Variants in MAN2B2 observed in about 807,000 individuals in gnomAD.
MAN2B2 encodes mannosidase alpha class 2B member 2.
In MAN2B2, 106 loss-of-function variants were observed where a neutral mutation model predicts 117.1. The observed-to-expected ratio is 0.90, with a 90% CI of 0.77 to 1.06. The LOEUF is 1.06. Among genes scored for constraint, MAN2B2 ranks in the 50% least tolerant of loss-of-function variants. The pLI is 0.00. For synonymous variants in MAN2B2, 544 were observed against 595.1 expected (o/e 0.91, Z 1.25); for missense variants, 1,326 against 1,381.4 (o/e 0.96, Z 0.64).
intron 9 of MAN2B2, among the ~76,000 whole-genome samples, chr4:6,598,630 A>G (rs1287687031): frequency 6.6e-6 from 1 of 152,230 alleles, no homozygotes; most frequent in African/African-American, 2.4e-5. Flanking sequence ...CCCTTCATGC[A>G]GTATTGAATT....
chr4:6,587,912 G>A (rs925784399), intron 4 of MAN2B2, among the ~76,000 whole-genome samples: 8 of 151,868 alleles, frequency 5.3e-5, no homozygotes, highest in Admixed American at 2.6e-4. Context: ...GTGCCACCAC[G>A]CCCAGCTAAA....
chr4:6,621,022 G>C (rs563480715), intron 18 of MAN2B2, 166 bp from the exon 19 acceptor site: 1 of 586,346 alleles, frequency 1.7e-6, no homozygotes, highest in South Asian at 2.1e-5. Context: ...GCCAGGTGCA[G>C]TGTGGTGAGA....
chr4:6,609,524 C>T, intron 12 of MAN2B2: 1 of 629,620 alleles, frequency 1.6e-6, no homozygotes, highest in East Asian at 2.8e-5. Context: ...GAGAGAGACC[C>T]ACAGACCCTG....
intron 3 of MAN2B2, among the ~76,000 whole-genome samples, chr4:6,586,621 T>A (rs1353635668): frequency 6.6e-6 from 1 of 151,200 alleles, no homozygotes; most frequent in Non-Finnish European, 1.5e-5. Context: ...AGTCAGGGAG[T>A]AGAATGGGGG....
intron 3 of MAN2B2, among the ~76,000 whole-genome samples, chr4:6,585,315 G>C (rs1443840219): frequency 1.3e-5 from 2 of 152,204 alleles, no homozygotes; most frequent in African/African-American, 4.8e-5. Flanking sequence ...GTGAAAGGCA[G>C]TTTGACTCTA....
At chr4:6,618,159 TA>T (rs1324072744) in intron 17 of MAN2B2, 2 of 152,342 alleles carry the variant, frequency 1.3e-5, no homozygotes, top group African/African-American at 4.8e-5. Flanking sequence ...CTAGTTTTTT[TA>T]TTTTTAGTAG....
chr4:6,601,386 A>G (rs1192251757), intron 10 of MAN2B2, among the ~76,000 whole-genome samples: 1 of 151,964 alleles, frequency 6.6e-6, no homozygotes, highest in Non-Finnish European at 1.5e-5. Context: ...GCACTGGTAT[A>G]ATAATTGGGA....
chr4:6,616,505 TC>T (rs893646326), intron 16 of MAN2B2, among the ~76,000 whole-genome samples: 1 of 152,210 alleles, frequency 6.6e-6, no homozygotes, highest in African/African-American at 2.4e-5. Flanking sequence ...GGAAGGTTTT[TC>T]TTGCTGTGGC....
chr4:6,584,307 G>A (rs1284351880), intron 3 of MAN2B2, among the ~76,000 whole-genome samples: 2 of 152,198 alleles, frequency 1.3e-5, no homozygotes, highest in Non-Finnish European at 2.9e-5. Context: ...TGATTCTCAT[G>A]TCCTTACCCT....
intron 15 of MAN2B2, among the ~76,000 whole-genome samples, chr4:6,613,855 A>G (rs1395525410): frequency 6.6e-6 from 1 of 151,910 alleles, no homozygotes; most frequent in Admixed American, 6.6e-5. Flanking sequence ...AGGAAGAAGG[A>G]AGGAAAAAAA....
chr4:6,602,641 T>G (rs1247515103), intron 10 of MAN2B2, among the ~76,000 whole-genome samples: 1 of 152,054 alleles, frequency 6.6e-6, no homozygotes, highest in African/African-American at 2.4e-5. Context: ...TGCTTACACT[T>G]TTTAAAACAA....
In MAN2B2 at chr4:6,594,656, C is replaced by T; in HGVS notation, c.981C>T (p.Asp327=). The T allele has an allele frequency of 6.2e-7, 1 of 1,613,604 alleles. No individual in the cohort carries two copies. The highest frequency in any genetic ancestry group is 8.5e-7 in the Non-Finnish European group (1 of 1,180,012). Reference sequence around the variant, plus strand: ...CGGTGCAGTATGCCACGCTGGGCGACTACTTCCGTGCCCTGCACGCTCTCA... The same window carrying T: ...CGGTGCAGTATGCCACGCTGGGCGATTACTTCCGTGCCCTGCACGCTCTCA... ...GVSVQYATLG[D]YFRALHALNV... Residue 327 remains aspartate (D), a synonymous_variant, in exon 7 of 19, where the codon GAC becomes GAT. Transcript: ENST00000285599.
chr4:6,610,078 G>T (rs567663767), intron 13 of MAN2B2, 28 bp downstream of exon 13: 1 of 1,611,248 alleles, frequency 6.2e-7, no homozygotes, highest in East Asian at 2.2e-5. Flanking sequence ...CACAAGGCAC[G>T]CTCCCAATGG....
At chr4:6,609,724 A>ATT in intron 12 of MAN2B2, 74 bp from the exon 13 acceptor site, 2 of 696,686 alleles carry the variant, frequency 2.9e-6, no homozygotes, top group Non-Finnish European at 4.8e-6. Context: ...TGCCCACATG[A>ATT]AGGAAGGGAA....
intron 3 of MAN2B2, among the ~76,000 whole-genome samples, chr4:6,580,778 C>T (rs4487438): frequency 0.32 from 48,183 of 152,090 alleles, 9,218 homozygotes; most frequent in East Asian, 0.6. Flanking sequence ...AAGGGGTGGG[C>T]GCTGAACTGC....
At chr4:6,614,640 T>C (rs1266010565) in intron 16 of MAN2B2, among the ~76,000 whole-genome samples, 2 of 152,086 alleles carry the variant, frequency 1.3e-5, no homozygotes, top group Non-Finnish European at 2.9e-5. Context: ...AAGGAACTAG[T>C]TAAAGTCCCC....
chr4:6,586,507 A>G (rs1726638073), intron 3 of MAN2B2, among the ~76,000 whole-genome samples: 1 of 152,232 alleles, frequency 6.6e-6, no homozygotes, highest in Non-Finnish European at 1.5e-5. Flanking sequence ...CACGTGCTGT[A>G]ACATGCAGGA....
At chr4:6,609,018 A>G in intron 11 of MAN2B2, 89 bp from the exon 12 acceptor site, 1 of 1,271,676 alleles carries the variant, frequency 7.9e-7, no homozygotes, top group South Asian at 1.4e-5. Flanking sequence ...GGCCACTCAG[A>G]TGGCATCTGG....
At chr4:6,610,814 AG>A in intron 13 of MAN2B2, 65 bp from the exon 14 acceptor site, 1 of 1,400,376 alleles carries the variant, frequency 7.1e-7, no homozygotes, top group Non-Finnish European at 1.0e-6. Flanking sequence ...GGGTGGCCAG[AG>A]GGTGATGCCT....
Sources: allele counts gnomAD v4.1 joint callset (sites outside exome capture counted in the v4.1 genomes callset), GRCh38; gene constraint gnomAD v4.1.1; transcripts MANE v1.5; gene names NCBI Gene and HGNC (gene_info 2026-07-23, HGNC 2026-07-21).